Variants in PPP1R1C observed in about 807,000 individuals in gnomAD.
PPP1R1C encodes the protein protein phosphatase 1 regulatory inhibitor subunit 1C, also known as protein phosphatase 1 regulatory subunit 1C.
A neutral mutation model predicts 17.4 loss-of-function variants in PPP1R1C; 15 were observed. That is an observed-to-expected ratio of 0.86 (90% CI 0.58 to 1.33). The LOEUF (loss-of-function observed/expected upper bound fraction) is 1.33, where lower values mean the gene tolerates loss of function less well. Among genes scored for constraint, PPP1R1C ranks in the 40% most tolerant of loss-of-function variants. PPP1R1C has a pLI of 0.00. For missense variants in PPP1R1C, 143 were observed against 130.0 expected (o/e 1.10, Z -0.48); for synonymous variants, 35 against 43.1 (o/e 0.81, Z 0.73).
chr2:182,040,983 G>T (rs1176536182), intron 2 of PPP1R1C, among the ~76,000 whole-genome samples: 1 of 152,074 alleles, frequency 6.6e-6, no homozygotes, highest in African/African-American at 2.4e-5. Flanking sequence ...TTATTTCTGG[G>T]TTCTCTATTC....
At chr2:182,100,033 G>A (rs1034440252) in intron 4 of PPP1R1C, among the ~76,000 whole-genome samples, 11 of 152,162 alleles carry the variant, frequency 7.2e-5, no homozygotes, top group South Asian at 2.1e-4. Flanking sequence ...TTGTGGTACC[G>A]AGTCTAATGT....
At chr2:182,007,457 C>G (rs1032603456) in intron 2 of PPP1R1C, among the ~76,000 whole-genome samples, 1 of 152,032 alleles carries the variant, frequency 6.6e-6, no homozygotes, top group Non-Finnish European at 1.5e-5. Context: ...TAGCAGACAC[C>G]ACTTGAATTT....
chr2:181,961,746 A>C lies in PPP1R1C; in HGVS notation n.111+7112A>C. ...CCCGGATATCTGCTATGATCTTGGC[A>C]AGGTCCTGAGATTTGGGGGCATCTA... is the stretch of plus-strand genomic sequence containing the variant. On this transcript the variant is annotated intron_variant and non_coding_transcript_variant, in intron 1 of 5. Coordinates refer to the PPP1R1C transcript ENST00000464264. The surrounding 1 kb of genome is among the most constrained non-coding windows in gnomAD (Gnocchi z 5.8). 9.1e-7 allele frequency: 1 copy of C among 1,097,434 alleles called. No individual in the cohort carries two copies. The allele number at this position is 1,097,434 out of a possible 1,614,324, so 68.0% of individuals were successfully genotyped here. A position where few individuals can be genotyped will look rare whatever the true frequency, so the allele number is the denominator to read the frequency against.
chr2:182,112,109 C>A (rs542840692), intron 4 of PPP1R1C, among the ~76,000 whole-genome samples: 3 of 152,260 alleles, frequency 2.0e-5, no homozygotes, highest in Admixed American at 6.5e-5. Context: ...ACATGCACAC[C>A]ATCGCCTTTT....
chr2:181,985,843 C>A (rs982707821), upstream of PPP1R1C: 1 of 504,230 alleles, frequency 2.0e-6, no homozygotes. The surrounding 1 kb of genome is among the most constrained non-coding windows in gnomAD (Gnocchi z 4.1). Flanking sequence ...AAGAGGCACA[C>A]AATTAGCGTA....
At chr2:182,122,537 G>C (rs904601730), downstream of PPP1R1C, among the ~76,000 whole-genome samples, 1 of 152,014 alleles carries the variant, frequency 6.6e-6, no homozygotes, top group Non-Finnish European at 1.5e-5. Flanking sequence ...ACGAAAGTTT[G>C]GAAGCACTAG....
chr2:181,983,755 A>G (rs1321390097), upstream of PPP1R1C, among the ~76,000 whole-genome samples: 2 of 152,232 alleles, frequency 1.3e-5, no homozygotes, highest in African/African-American at 4.8e-5. Context: ...GTAGGTAGTT[A>G]TTATGATAAA....
chr2:181,985,974 G>A lies in PPP1R1C; in HGVS notation c.-137G>A, dbSNP rs947258835. The A allele has an allele frequency of 5.7e-6, 4 of 702,600 alleles. No homozygotes were observed. The highest frequency in any genetic ancestry group is 2.3e-5 in the Admixed American group (1 of 44,292). The allele number at this position is 702,600 out of a possible 1,614,324, so 43.5% of individuals were successfully genotyped here. On this transcript the variant is annotated 5_prime_UTR_variant, in exon 1 of 5. Transcript: ENST00000682840. The surrounding 1 kb of genome is among the most constrained non-coding windows in gnomAD (Gnocchi z 4.1). ...CAAACCTCGGCATCTTCACTTGCTC[G>A]ATCTGGAATTACAGCTATTTATTAC...
intron 1 of PPP1R1C, among the ~76,000 whole-genome samples, chr2:181,955,775 A>G (rs1307818938): frequency 6.6e-6 from 1 of 152,234 alleles, no homozygotes; most frequent in Admixed American, 6.5e-5. Context: ...TAAGAAGTAA[A>G]TAAAATGATC....
At chr2:182,104,854 T>C (rs1190673477) in intron 4 of PPP1R1C, among the ~76,000 whole-genome samples, 4 of 152,222 alleles carry the variant, frequency 2.6e-5, no homozygotes, top group African/African-American at 9.6e-5. Flanking sequence ...GTTTAAATGT[T>C]TGGCGGAATT....
intron 2 of PPP1R1C, among the ~76,000 whole-genome samples, chr2:181,993,774 G>T (rs955737684): frequency 2.6e-5 from 4 of 152,012 alleles, no homozygotes; most frequent in African/African-American, 9.7e-5. Flanking sequence ...TCTTCAGTAT[G>T]TGCAGCTAAA....
Position 182,117,341 on chromosome 2 carries a change from T to A in PPP1R1C, c.*46T>A. On this transcript the variant is annotated 3_prime_UTR_variant, in exon 5 of 5. Coordinates refer to ENST00000682840, the MANE Select transcript of PPP1R1C (RefSeq NM_001080545.3). ...GGCTTCTTGGAAATAACTGAACTAT[T>A]AACTTTTCTGAGTATACCATGGAAT... 1 of 1,366,640 alleles carries A rather than the reference T, an allele frequency of 7.3e-7. No individual in the cohort carries two copies. The highest frequency in any genetic ancestry group is 1.0e-6 in the Non-Finnish European group (1 of 989,116). The allele number at this position is 1,366,640 out of a possible 1,614,324, so 84.7% of individuals were successfully genotyped here. A position where few individuals can be genotyped will look rare whatever the true frequency, so the allele number is the denominator to read the frequency against.
chr2:182,032,688 G>A (rs948332204), intron 2 of PPP1R1C, among the ~76,000 whole-genome samples: 1 of 152,144 alleles, frequency 6.6e-6, no homozygotes, highest in African/African-American at 2.4e-5. Context: ...CTTACAAGCT[G>A]TGTGAGCTGC....
chr2:182,041,583 A>AT (rs1687183512), intron 2 of PPP1R1C, among the ~76,000 whole-genome samples: 1 of 147,018 alleles, frequency 6.8e-6, no homozygotes, highest in African/African-American at 2.5e-5. Context: ...ACTCCAGTCT[A>AT]GGATGACAAC....
intron 4 of PPP1R1C, among the ~76,000 whole-genome samples, chr2:182,068,589 T>G (rs570097499): frequency 6.6e-6 from 1 of 152,350 alleles, no homozygotes; most frequent in Non-Finnish European, 1.5e-5. Context: ...AACATTTTGC[T>G]TTCTTTTAAA....
At chr2:182,054,537 G>C (rs1383852568) in intron 2 of PPP1R1C, among the ~76,000 whole-genome samples, 1 of 151,110 alleles carries the variant, frequency 6.6e-6, no homozygotes, top group African/African-American at 2.4e-5. Flanking sequence ...TATATGAATT[G>C]AATTACACAG....
downstream of PPP1R1C, among the ~76,000 whole-genome samples, chr2:182,119,915 A>T (rs1689690056): frequency 1.3e-5 from 2 of 152,030 alleles, no homozygotes; most frequent in African/African-American, 4.8e-5. Context: ...GTTTAATTAG[A>T]TCCCATTTGT....
At chr2:182,120,262 C>A (rs1034821978), downstream of PPP1R1C, among the ~76,000 whole-genome samples, 1 of 152,076 alleles carries the variant, frequency 6.6e-6, no homozygotes, top group African/African-American at 2.4e-5. Context: ...TTCCATTGGT[C>A]TATATCTGTT....
At chr2:181,987,572 G>A (rs1685335308) in intron 1 of PPP1R1C, among the ~76,000 whole-genome samples, 1 of 152,146 alleles carries the variant, frequency 6.6e-6, no homozygotes, top group Admixed American at 6.6e-5. Context: ...TTAATTTTCT[G>A]TTGTATCATT....
Sources: gnomAD v4.1 joint callset for allele counts (sites outside exome capture counted in the v4.1 genomes callset) on GRCh38, gnomAD v4.1.1 for gene constraint, Gnocchi (gnomAD v3.1) non-coding constraint, MANE v1.5 for transcripts, NCBI Gene and HGNC (gene_info 2026-07-23, HGNC 2026-07-21) for gene names.